Variants in LRRC7 observed in about 807,000 individuals in gnomAD.
The protein encoded by LRRC7 is leucine rich repeat containing 7, also known as leucine-rich repeat-containing protein 7.
A neutral mutation model predicts 175.7 loss-of-function variants in LRRC7; 23 were observed. The observed-to-expected ratio is 0.13, with a 90% CI of 0.09 to 0.19. LRRC7 has a LOEUF of 0.19. LRRC7 is among the 10% of genes least tolerant of loss of function. The pLI, the probability that LRRC7 is intolerant of heterozygous loss-of-function variation, is 1.00. For missense variants in LRRC7, 1,354 were observed against 1,904.7 expected (o/e 0.71, Z 5.38); for synonymous variants, 685 against 680.9 (o/e 1.01, Z -0.09).
chr1:69,838,416 A>C (rs531403624), intron 7 of LRRC7, 133 bp downstream of exon 7: 4 of 667,410 alleles, frequency 6.0e-6, no homozygotes, highest in African/African-American at 1.8e-5. Context: ...AAGGCCAAAA[A>C]GTATGGTATA....
At chr1:69,659,518 A>G (rs1313351242) in intron 1 of LRRC7, among the ~76,000 whole-genome samples, 1 of 151,796 alleles carries the variant, frequency 6.6e-6, no homozygotes, top group Non-Finnish European at 1.5e-5. Flanking sequence ...ATCAGCCAAA[A>G]AAAAAAAAAA....
intron 23 of LRRC7, among the ~76,000 whole-genome samples, chr1:70,070,141 G>A (rs561947933): frequency 7.0e-4 from 107 of 152,038 alleles, no homozygotes; most frequent in African/African-American, 2.5e-3. Flanking sequence ...CTACAGGCAC[G>A]CATCACCACA....
At chr1:70,021,180 G>C in intron 16 of LRRC7, 51 bp downstream of exon 16, 2 of 1,569,886 alleles carry the variant, frequency 1.3e-6, no homozygotes, top group Non-Finnish European at 8.7e-7. Context: ...CTTTTTGTTT[G>C]TCCGTTTTTC....
At chr1:70,059,775 A>G (rs947371399) in intron 23 of LRRC7, among the ~76,000 whole-genome samples, 1 of 152,034 alleles carries the variant, frequency 6.6e-6, no homozygotes, top group African/African-American at 2.4e-5. Context: ...TCTGTCAACC[A>G]TATGGCCAAA....
chr1:69,914,851 C>A (rs1478963667), intron 7 of LRRC7, among the ~76,000 whole-genome samples: 3 of 152,060 alleles, frequency 2.0e-5, no homozygotes, highest in Non-Finnish European at 4.4e-5. Flanking sequence ...GAGACAGAGA[C>A]CATATGGACT....
rs1666267803 is a variant in LRRC7, at chr1:70,122,558, T to G, written c.*671T>G. On this transcript the variant is annotated 3_prime_UTR_variant, in exon 27 of 27. Coordinates refer to ENST00000651989, the MANE Select transcript of LRRC7 (RefSeq NM_001370785.2). ...ATTCTCATGACACAGAGTGAAATAT[T>G]TCATAAATTAGCCATTTATCTCTGG... is the stretch of plus-strand genomic sequence containing the variant. 1 of 152,072 alleles carries G rather than the reference T, an allele frequency of 6.6e-6. No individual in the cohort carries two copies. Among genetic ancestry groups the G allele is most frequent in the Non-Finnish European group, 1.5e-5 (1 of 67,922 alleles). 9.4% of individuals were successfully genotyped at this position (152,072 alleles called of 1,614,324 possible). A position where few individuals can be genotyped will look rare whatever the true frequency, so the allele number is the denominator to read the frequency against.
rs114673842 is a variant in LRRC7, at chr1:69,817,090, A to G, written c.422-8658A>G. On this transcript the variant is annotated intron_variant, in intron 4 of 26. Coordinates refer to ENST00000651989, the MANE Select transcript of LRRC7 (RefSeq NM_001370785.2). ...TGTATGTAGGTTTTGCTGTGCAAAA[A>G]CCTTTTTATTTTGTATAGTCCTACT... 8.9e-3 allele frequency among the ~76,000 whole-genome samples: 1,347 copies of G among 151,920 alleles called. 24 individuals are homozygous for G. The highest frequency in any genetic ancestry group is 0.031 in the African/African-American group (1,272 of 41,418).
intron 4 of LRRC7, among the ~76,000 whole-genome samples, chr1:69,803,627 T>C (rs1448987910): frequency 1.3e-5 from 2 of 151,468 alleles, no homozygotes; most frequent in African/African-American, 4.8e-5. Flanking sequence ...AGTTCTAATA[T>C]GCAACCAGCA....
intron 4 of LRRC7, among the ~76,000 whole-genome samples, chr1:69,823,411 A>T (rs1418684849): frequency 6.6e-6 from 1 of 152,064 alleles, no homozygotes; most frequent in East Asian, 1.9e-4. Context: ...CATTCTTCTG[A>T]GTTAGAACAT....
At chr1:69,962,997 A>G (rs1651274592) in intron 8 of LRRC7, among the ~76,000 whole-genome samples, 1 of 152,098 alleles carries the variant, frequency 6.6e-6, no homozygotes, top group African/African-American at 2.4e-5. Flanking sequence ...AAGTTTTTAA[A>G]AAAAAACAAG....
At chr1:69,999,857 A>G (rs1170318805) in intron 11 of LRRC7, among the ~76,000 whole-genome samples, 3 of 152,138 alleles carry the variant, frequency 2.0e-5, no homozygotes, top group African/African-American at 4.8e-5. Flanking sequence ...AGAGTATCTA[A>G]AAGTGTGGGA....
intron 2 of LRRC7, among the ~76,000 whole-genome samples, chr1:69,753,296 A>ATATGTGTG (rs1553151117): frequency 1.3e-4 from 19 of 146,332 alleles, no homozygotes; most frequent in African/African-American, 4.1e-4. Context: ...GTGTGTGTGT[A>ATATGTGTG]TGTGTGTGTG....
chr1:69,812,837 AT>A (rs1678099464), intron 4 of LRRC7, among the ~76,000 whole-genome samples: 2 of 152,256 alleles, frequency 1.3e-5, no homozygotes, highest in East Asian at 3.9e-4. Flanking sequence ...ATCATTCAAA[AT>A]TTGGTATTTG....
At chr1:69,762,480 G>T (rs1671144613) in intron 3 of LRRC7, among the ~76,000 whole-genome samples, 1 of 152,072 alleles carries the variant, frequency 6.6e-6, no homozygotes, top group Non-Finnish European at 1.5e-5. Flanking sequence ...AGTAAGGGAA[G>T]AACTTGACCA....
At chr1:69,649,181 G>A (rs772888183) in intron 1 of LRRC7, among the ~76,000 whole-genome samples, 18 of 152,162 alleles carry the variant, frequency 1.2e-4, no homozygotes, top group Admixed American at 4.6e-4. Flanking sequence ...GTTACATGAC[G>A]TACAAGTTAC....
At chr1:69,807,708 T>C (rs1334624825) in intron 4 of LRRC7, among the ~76,000 whole-genome samples, 1 of 152,092 alleles carries the variant, frequency 6.6e-6, no homozygotes, top group Non-Finnish European at 1.5e-5. Flanking sequence ...AACCCGAACT[T>C]TCTCTCTGGC....
intron 25 of LRRC7, among the ~76,000 whole-genome samples, chr1:70,100,806 TCTC>T (rs1258811088): frequency 3.3e-5 from 5 of 152,118 alleles, no homozygotes; most frequent in South Asian, 2.1e-4. Flanking sequence ...TTCCCTCACT[TCTC>T]CTCTCTCTTA....
intron 3 of LRRC7, among the ~76,000 whole-genome samples, chr1:69,785,618 T>C (rs1374515399): frequency 1.3e-5 from 2 of 152,152 alleles, no homozygotes; most frequent in Non-Finnish European, 2.9e-5. Context: ...TCATTCCATT[T>C]ATTTTGTCTC....
intron 7 of LRRC7, among the ~76,000 whole-genome samples, chr1:69,847,314 T>C (rs1254629972): frequency 6.6e-6 from 1 of 152,162 alleles, no homozygotes; most frequent in Non-Finnish European, 1.5e-5. Context: ...TTTGTCTCAG[T>C]GTCTCAGGCC....
Sources: gnomAD v4.1 joint callset for allele counts (sites outside exome capture counted in the v4.1 genomes callset) on GRCh38, gnomAD v4.1.1 for gene constraint, MANE v1.5 for transcripts, NCBI Gene and HGNC (gene_info 2026-07-23, HGNC 2026-07-21) for gene names.